PIEZO1: variants seen among roughly 807,000 people sequenced by gnomAD.
PIEZO1 encodes piezo-type mechanosensitive ion channel component 1.
Under a neutral mutation model 297.2 loss-of-function variants are expected in PIEZO1, and 296 were observed. The observed-to-expected ratio is 1.00, with a 90% CI of 0.91 to 1.10. The LOEUF is 1.10. Among genes scored for constraint, PIEZO1 ranks in the 50% least tolerant of loss-of-function variants. The pLI is 0.00. For missense variants in PIEZO1, 5,018 were observed against 3,455.5 expected, an observed-to-expected ratio of 1.45 and a Z score of -11.34; for synonymous variants, 2,427 against 1,507.5, an observed-to-expected ratio of 1.61 and a Z score of -14.13.
chr16:88,720,544 G>A lies in PIEZO1; in HGVS notation c.5802-12C>T. ...ATGTGCCCTGGGCCCTGCGGAAGGG[G>A]GCGCTCAGCCTGGGCCCAGTACCCG... On this transcript the variant is annotated splice_polypyrimidine_tract_variant and intron_variant, in intron 40 of 50. Coordinates refer to ENST00000301015, the MANE Select transcript of PIEZO1 (RefSeq NM_001142864.4). 1 of 1,549,372 alleles carries A rather than the reference G, an allele frequency of 6.5e-7. No homozygotes were observed. The highest frequency in any genetic ancestry group is 1.4e-5 in the African/African-American group (1 of 73,150).
intron 29 of PIEZO1, 110 bp from the exon 30 acceptor site, chr16:88,725,190 C>T: frequency 1.2e-6 from 1 of 805,984 alleles, no homozygotes; most frequent in Non-Finnish European, 1.9e-6. Context: ...ACACGGACAC[C>T]CACAGTGACG....
At chr16:88,770,700 C>T (rs952770746) in intron 1 of PIEZO1, among the ~76,000 whole-genome samples, 2 of 152,204 alleles carry the variant, frequency 1.3e-5, no homozygotes, top group Non-Finnish European at 2.9e-5. Flanking sequence ...TCAGCCAGGC[C>T]GGCTGGCAGC....
chr16:88,715,713 C>G lies in PIEZO1; in HGVS notation c.7458G>C (p.Leu2486=). ...RILKLCQDIF[L]VRETRELELE... is the part of the protein sequence containing the mutation. ...GCTCCAGCTCCCGAGTCTCCCGCAC[C>G]AGGAAGATGTCCTGGCAGAGCTTGA... Residue 2486 remains leucine (L), a synonymous_variant, in exon 51 of 51, where the codon CTG becomes CTC. Transcript: ENST00000301015. 6.4e-7 allele frequency: 1 copy of G among 1,550,458 alleles called. No individual in the cohort carries two copies. The highest frequency in any genetic ancestry group is 8.7e-7 in the Non-Finnish European group (1 of 1,146,976).
rs568503796 is a variant in PIEZO1 at position 88,737,856 on chromosome 16, C to G, written c.1021-42G>C. The stretch of plus-strand genomic sequence containing the variant: ...CTTGAGCCCAAACCAGCTCCACACC[C>G]CACCCAGAGGCAGGAGGTCCTGAGA... On this transcript the variant is annotated intron_variant, in intron 8 of 50. Transcript: ENST00000301015. The G allele has an allele frequency of 1.0e-4, 159 of 1,533,496 alleles. 1 individual carries two copies. The South Asian group carries it at 1.5e-3, about 15-fold the overall frequency. The allele number at this position is 1,533,496 out of a possible 1,614,324, so 95.0% of individuals were successfully genotyped here. A position where few individuals can be genotyped will look rare whatever the true frequency, so the allele number is the denominator to read the frequency against.
Position 88,715,354 on chromosome 16 carries a change from T to TATAA in PIEZO1, c.*247_*250dup, listed in dbSNP as rs1444436635. On this transcript the variant is annotated 3_prime_UTR_variant, in exon 51 of 51. Coordinates refer to ENST00000301015, the MANE Select transcript of PIEZO1 (RefSeq NM_001142864.4). ...GGACTGGCCTCTGATTGTCCATTTG[T>TATAA]ATAAATAAAACATTTTTTAATTAAA... is the stretch of plus-strand genomic sequence containing the variant. 9.6e-6 allele frequency: 12 copies of TATAA among 1,255,542 alleles called. No homozygotes were observed. The highest frequency in any genetic ancestry group is 2.6e-5 in the Admixed American group (1 of 37,884). The allele number at this position is 1,255,542 out of a possible 1,614,324, so 77.8% of individuals were successfully genotyped here.
Position 88,721,239 on chromosome 16 carries a change from A to G in PIEZO1, c.5595T>C (p.Asp1865=). 6.5e-7 allele frequency: 1 copy of G among 1,541,110 alleles called. No individual in the cohort carries two copies. Among genetic ancestry groups the G allele is most frequent in the Non-Finnish European group, 8.7e-7 (1 of 1,145,916 alleles). The change falls in exon 39 of 51, where the codon GAT becomes GAC. Residue 1865 remains aspartate, a synonymous_variant. Coordinates refer to ENST00000301015, the MANE Select transcript of PIEZO1 (RefSeq NM_001142864.4). ...PEPQVELRPR[D]TRRISLRFRR... ...TAAAACGTAGACTGATGCGCCTCGTATCACGGGGCCTGAGCTCCACTTGGG... is the reference window on the plus strand; with the variant it reads ...TAAAACGTAGACTGATGCGCCTCGTGTCACGGGGCCTGAGCTCCACTTGGG...
chr16:88,722,398 C>T lies in PIEZO1; in HGVS notation c.4776-1G>A. 1 of 1,493,402 alleles carries T rather than the reference C, an allele frequency of 6.7e-7. No individual in the cohort carries two copies. Among genetic ancestry groups the T allele is most frequent in the Non-Finnish European group, 9.0e-7 (1 of 1,117,148 alleles). 92.5% of individuals were successfully genotyped at this position (1,493,402 alleles called of 1,614,324 possible). On this transcript the variant is annotated splice_acceptor_variant, in intron 35 of 50. Coordinates refer to ENST00000301015, the MANE Select transcript of PIEZO1 (RefSeq NM_001142864.4). LOFTEE classifies it high-confidence loss of function. ...GAGTGGCTCCTCCGCGCCCAGCCCA[C>T]TGGGGAGGGAAGCCGAGTCACAGAG... is the stretch of plus-strand genomic sequence containing the variant.
chr16:88,755,729 G>A (rs969185346), intron 1 of PIEZO1, among the ~76,000 whole-genome samples: 34 of 152,356 alleles, frequency 2.2e-4, no homozygotes, highest in African/African-American at 7.2e-4. Context: ...CTCCAAAGGG[G>A]ACAGTGCAGA....
intron 44 of PIEZO1, chr16:88,717,765 A>G (rs1331849432): frequency 4.4e-6 from 2 of 451,326 alleles, no homozygotes; most frequent in Non-Finnish European, 8.9e-6. Context: ...GCAACCAGAG[A>G]ATACAGAGAA....
rs1285534239 is a variant in PIEZO1 at position 88,722,606 on chromosome 16, G to A, written c.4752C>T (p.Pro1584=). Residue 1584 remains proline (P), a synonymous_variant, in exon 35 of 51, where the codon CCC becomes CCT. Coordinates refer to ENST00000301015, the MANE Select transcript of PIEZO1 (RefSeq NM_001142864.4). ...ACCTGGACACGGTGCTTGGGGCATTGGGGGCCTCGGTGGGGCCTGGCAGCG... is the reference window on the plus strand; with the variant it reads ...ACCTGGACACGGTGCTTGGGGCATTAGGGGCCTCGGTGGGGCCTGGCAGCG... The part of the protein sequence containing the change: ...EATLPGPTEA[P]NAPSTVSSGL... The A allele has an allele frequency of 2.1e-5, 33 of 1,537,328 alleles. No individual in the cohort carries two copies. Among genetic ancestry groups the A allele is most frequent in the Non-Finnish European group, 2.8e-5 (32 of 1,145,030 alleles).
Position 88,785,046 on chromosome 16 carries a change from G to T in PIEZO1, c.-82C>A. ...GGTGCGGGGGCCCCGGGGCCGGCGC[G>T]CCATGGCTGACCCGCGGGGACCCGC... On this transcript the variant is annotated 5_prime_UTR_variant, in exon 1 of 51. Transcript: ENST00000301015. The T allele has an allele frequency of 1.2e-6, 1 of 847,418 alleles. No homozygotes were observed. Among genetic ancestry groups the T allele is most frequent in the Non-Finnish European group, 1.5e-6 (1 of 654,100 alleles). The allele number at this position is 847,418 out of a possible 1,614,324, so 52.5% of individuals were successfully genotyped here. A position where few individuals can be genotyped will look rare whatever the true frequency, so the allele number is the denominator to read the frequency against.
intron 31 of PIEZO1, 36 bp from the exon 32 acceptor site, chr16:88,723,364 C>A (rs763845274): frequency 3.3e-6 from 5 of 1,534,888 alleles, no homozygotes; most frequent in African/African-American, 1.4e-5. Flanking sequence ...CCCGGCCTCC[C>A]GAGCCATCAG....
chr16:88,723,437 TC>T, intron 31 of PIEZO1, 109 bp from the exon 32 acceptor site: 1 of 1,278,224 alleles, frequency 7.8e-7, no homozygotes, highest in Non-Finnish European at 1.1e-6. Flanking sequence ...GCTCTGTGTC[TC>T]CCAGGGACCT....
Position 88,723,159 on chromosome 16 carries a change from C to A in PIEZO1, c.4439-8G>T, listed in dbSNP as rs777304709. 187 of 1,549,304 alleles carry A rather than the reference C, an allele frequency of 1.2e-4. No homozygotes were observed. Among genetic ancestry groups the A allele is most frequent in the Admixed American group, 1.8e-4 (9 of 50,982 alleles). ...CCTGGCTGGGACCACCTCCTGGGCA[C>A]AGGATGCTGGTGAGTGACTGGCAGT... On this transcript the variant is annotated splice_polypyrimidine_tract_variant and splice_region_variant and intron_variant, in intron 32 of 50. Coordinates refer to ENST00000301015, the MANE Select transcript of PIEZO1 (RefSeq NM_001142864.4).
Position 88,716,851 on chromosome 16 carries a change from C to T in PIEZO1, c.6708G>A (p.Thr2236=), listed in dbSNP as rs369088026. 1.8e-5 allele frequency: 28 copies of T among 1,550,016 alleles called. No individual in the cohort carries two copies. The highest frequency in any genetic ancestry group is 9.6e-5 in the African/African-American group (7 of 73,068). Residue 2236 remains threonine (T), a synonymous_variant, in exon 46 of 51, where the codon ACG becomes ACA. Coordinates refer to ENST00000301015, the MANE Select transcript of PIEZO1 (RefSeq NM_001142864.4). Reference sequence around the variant, plus strand: ...GGGACAGCTCCTCATAGGCCTGGGCCGTGAAGGGGATGATGGACGGCTGCT... The same window carrying T: ...GGGACAGCTCCTCATAGGCCTGGGCTGTGAAGGGGATGATGGACGGCTGCT... ...SAQQPSIIPF[T]AQAYEELSRQ...
intron 21 of PIEZO1, 93 bp from the exon 22 acceptor site, chr16:88,732,003 C>A (rs1229719718): frequency 9.2e-5 from 3 of 32,670 alleles, no homozygotes; most frequent in Admixed American, 6.4e-4. Flanking sequence ...CTTGCAGCAG[C>A]CCTGCCTGGA....
In PIEZO1 at chr16:88,721,526, G is replaced by A; in HGVS notation, c.5403+12C>T. On this transcript the variant is annotated intron_variant, in intron 38 of 50. Coordinates refer to ENST00000301015, the MANE Select transcript of PIEZO1 (RefSeq NM_001142864.4). Reference sequence around the variant, plus strand: ...GCCCAGCCCCGCATTGCCAGCCAAGGCTCACACTCACCAGCAGCTGGGAGC... The same window carrying A: ...GCCCAGCCCCGCATTGCCAGCCAAGACTCACACTCACCAGCAGCTGGGAGC... 6.5e-7 allele frequency: 1 copy of A among 1,546,980 alleles called. No homozygotes were observed. The highest frequency in any genetic ancestry group is 1.4e-5 in the African/African-American group (1 of 73,098).
At position 88,716,641 on chromosome 16, in the gene PIEZO1, G is replaced by C. The variant is rs889266316; in HGVS notation, c.6844C>G (p.Pro2282Ala). The C allele has an allele frequency of 9.0e-6, 14 of 1,549,718 alleles. No homozygotes were observed. Among genetic ancestry groups the C allele is most frequent in the Non-Finnish European group, 1.0e-5 (12 of 1,146,920 alleles). Residue 2282 changes from proline (P) to alanine (A), a missense_variant, in exon 47 of 51, where the codon CCC becomes GCC. Transcript: ENST00000301015. ...CGCTTCATCTGGGCACGGCTGGGGG[G>C]ACTGATGCGCCACAGCGCCCCGGAG... is the stretch of plus-strand genomic sequence containing the variant. ...GSSGALWRIS[P>A]PSRAQMKREL...
At chr16:88,717,693 A>C in intron 44 of PIEZO1, 2 of 436,686 alleles carry the variant, frequency 4.6e-6, no homozygotes, top group South Asian at 3.3e-5. Flanking sequence ...CACCAAGAAA[A>C]TTTAAGAGAC....
Sources: allele counts gnomAD v4.1 joint callset (sites outside exome capture counted in the v4.1 genomes callset), GRCh38; gene constraint gnomAD v4.1.1; transcripts MANE v1.5; gene names NCBI Gene and HGNC (gene_info 2026-07-23, HGNC 2026-07-21).